The following FGF18 variants were observed in gnomAD, a reference collection of about 807,000 sequenced individuals.
FGF18 encodes fibroblast growth factor 18.
A neutral mutation model predicts 23.0 loss-of-function variants in FGF18; 5 were observed. That is an observed-to-expected ratio of 0.22 (90% CI 0.11 to 0.46). FGF18 has a LOEUF of 0.46. Ranked by LOEUF, FGF18 falls within the 20% of genes least tolerant of loss-of-function variation. FGF18 has a pLI of 0.99. For missense variants in FGF18, 180 were observed against 291.6 expected, an observed-to-expected ratio of 0.62 and a Z score of 2.79; for synonymous variants, 117 against 118.9, an observed-to-expected ratio of 0.98 and a Z score of 0.10.
intron 2 of FGF18, among the ~76,000 whole-genome samples, chr5:171,426,370 C>T (rs1772089411): frequency 6.6e-6 from 1 of 152,204 alleles, no homozygotes; most frequent in Non-Finnish European, 1.5e-5. Context: ...TCTGTATGCT[C>T]CTAGCTTTTG....
At chr5:171,421,063 TC>T (rs1031653312) in intron 2 of FGF18, among the ~76,000 whole-genome samples, 1 of 152,166 alleles carries the variant, frequency 6.6e-6, no homozygotes, top group Non-Finnish European at 1.5e-5. Flanking sequence ...CCTCGTTGGT[TC>T]CCCGCCTGCT....
Position 171,439,571 on chromosome 5 carries a change from G to A in FGF18, c.250+3298G>A, listed in dbSNP as rs1294104314. Among the ~76,000 whole-genome samples, 3 of 152,226 alleles carry A rather than the reference G, an allele frequency of 2.0e-5. No homozygotes were observed. In the East Asian group the frequency reaches 5.8e-4, roughly 29 times the overall value. On this transcript the variant is annotated intron_variant, in intron 3 of 4. Coordinates refer to ENST00000274625, the MANE Select transcript of FGF18 (RefSeq NM_003862.3). ...ACTGGAACAGGAAGCAGGACACTGA[G>A]TTCCAGCTGCAGCTCTGCCAGGGAG... is the stretch of plus-strand genomic sequence containing the variant.
At chr5:171,452,558 A>G (rs1772532371) in intron 4 of FGF18, among the ~76,000 whole-genome samples, 2 of 152,104 alleles carry the variant, frequency 1.3e-5, no homozygotes, top group South Asian at 4.1e-4. Flanking sequence ...TCTGGAACCC[A>G]TGTCACCTGG....
intron 3 of FGF18, among the ~76,000 whole-genome samples, chr5:171,437,356 C>T (rs555342797): frequency 6.6e-6 from 1 of 152,310 alleles, no homozygotes; most frequent in South Asian, 2.1e-4. Context: ...AGGGCCCAAG[C>T]GTGGCAGCTG....
intron 3 of FGF18, among the ~76,000 whole-genome samples, chr5:171,438,900 G>A (rs1205914972): frequency 7.2e-5 from 11 of 152,102 alleles, no homozygotes; most frequent in Admixed American, 7.2e-4. Flanking sequence ...TGTCTCAGGG[G>A]GAGGGGCTGC....
chr5:171,449,038 G>T, intron 3 of FGF18, 109 bp from the exon 4 acceptor site: 1 of 777,550 alleles, frequency 1.3e-6, no homozygotes, highest in East Asian at 2.6e-5. Context: ...CCTGATTTTG[G>T]GGGAGTGAGG....
chr5:171,456,990 T>C lies in FGF18; in HGVS notation c.*185T>C, dbSNP rs1263724277. 3 of 728,782 alleles carry C rather than the reference T, an allele frequency of 4.1e-6. No homozygotes were observed. The highest frequency in any genetic ancestry group is 6.5e-6 in the Non-Finnish European group (3 of 461,062). The allele number at this position is 728,782 out of a possible 1,614,324, so 45.1% of individuals were successfully genotyped here. On this transcript the variant is annotated 3_prime_UTR_variant, in exon 5 of 5. Transcript: ENST00000274625. This position sits in a 1 kb window ranked among gnomAD's most constrained non-coding sequence, Gnocchi z 6.1. ...GGGTGATAAGGATTTTATTGTTGAC[T>C]TGAAACCCCCGATGACAAAAGACTC...
At chr5:171,453,132 C>T (rs887708490) in intron 4 of FGF18, among the ~76,000 whole-genome samples, 17 of 152,112 alleles carry the variant, frequency 1.1e-4, no homozygotes, top group African/African-American at 3.6e-4. Context: ...TCAGAGTTTC[C>T]GGGGGTCGGG....
chr5:171,423,557 G>A (rs1772051906), intron 2 of FGF18, among the ~76,000 whole-genome samples: 1 of 152,014 alleles, frequency 6.6e-6, no homozygotes, highest in African/African-American at 2.4e-5. Flanking sequence ...CAGCCCCTTA[G>A]CCCCTTGTCC....
At chr5:171,438,813 T>C (rs1339941778) in intron 3 of FGF18, among the ~76,000 whole-genome samples, 4 of 151,550 alleles carry the variant, frequency 2.6e-5, no homozygotes, top group African/African-American at 4.9e-5. Context: ...ACAAATATTA[T>C]TGGGAGGGTG....
intron 3 of FGF18, among the ~76,000 whole-genome samples, chr5:171,448,807 G>A (rs780967092): frequency 7.2e-5 from 11 of 152,116 alleles, no homozygotes; most frequent in Non-Finnish European, 1.2e-4. Context: ...GGTGGGTGAC[G>A]ATGGGTAGAA....
intron 3 of FGF18, among the ~76,000 whole-genome samples, chr5:171,447,594 A>G (rs1772437147): frequency 6.6e-6 from 1 of 152,224 alleles, no homozygotes; most frequent in African/African-American, 2.4e-5. Context: ...CCTCTTGGAA[A>G]GGTGGGTATC....
chr5:171,430,794 C>CA (rs566577499), intron 2 of FGF18, among the ~76,000 whole-genome samples: 2,031 of 53,138 alleles, frequency 0.038, 57 homozygotes, highest in Non-Finnish European at 0.054. Flanking sequence ...GACTCCGTCT[C>CA]AAAAAAAAAA....
rs1318525473 is a variant in FGF18 at position 171,456,525 on chromosome 5, T to C, written c.358-14T>C. The stretch of plus-strand genomic sequence containing the variant: ...TCATTTTTTTCTTGAACACTCCCCC[T>C]CTCTCCCCTGCAGCCCGATGGCACC... On this transcript the variant is annotated splice_polypyrimidine_tract_variant and intron_variant, in intron 4 of 4. Coordinates refer to ENST00000274625, the MANE Select transcript of FGF18 (RefSeq NM_003862.3). The surrounding 1 kb of genome is among the most constrained non-coding windows in gnomAD (Gnocchi z 6.1). The C allele has an allele frequency of 1.2e-6, 2 of 1,609,020 alleles. No individual in the cohort carries two copies. Among genetic ancestry groups the C allele is most frequent in the Non-Finnish European group, 1.7e-6 (2 of 1,176,304 alleles).
intron 4 of FGF18, among the ~76,000 whole-genome samples, chr5:171,455,539 G>A (rs567831433): frequency 2.6e-5 from 4 of 152,266 alleles, no homozygotes; most frequent in South Asian, 4.1e-4. Context: ...AGCTTCAGAC[G>A]TGGCTGGATC....
chr5:171,420,318 G>C lies in FGF18; in HGVS notation c.32+87G>C, dbSNP rs377446715. 2,256 of 1,607,392 alleles carry C rather than the reference G, an allele frequency of 1.4e-3. 51 individuals carry two copies. The South Asian group carries it at 0.024, about 17-fold the overall frequency. ...TGTACCTCTGTCTGCCCGCCCGTCG[G>C]TTCACCTGACTCTTCGACTGCGTGT... On this transcript the variant is annotated intron_variant, in intron 1 of 4. Transcript: ENST00000274625.
At chr5:171,450,057 C>T (rs150771415) in intron 4 of FGF18, among the ~76,000 whole-genome samples, 1 of 148,204 alleles carries the variant, frequency 6.7e-6, no homozygotes, top group East Asian at 2.0e-4. Flanking sequence ...GACTGACTCC[C>T]ATATGCAGTT....
At position 171,449,207 on chromosome 5, in the gene FGF18, C is replaced by T; in HGVS notation, c.311C>T (p.Thr104Met). The change falls in exon 4 of 5, where the codon ACG (threonine) becomes ATG (methionine). Residue 104 changes from threonine (T) to methionine (M), a missense_variant. Thr to Met is a moderately conservative substitution (Grantham distance 81). Transcript: ENST00000274625. ...CAAGTCCGGATCAAGGGCAAGGAGA[C>T]GGAATTCTACCTGTGCATGAACCGC... ...GSQVRIKGKE[T>M]EFYLCMNRKG... The T allele has an allele frequency of 3.7e-6, 6 of 1,614,036 alleles. No homozygotes were observed. The highest frequency in any genetic ancestry group is 5.1e-6 in the Non-Finnish European group (6 of 1,179,984).
In FGF18 at chr5:171,456,653, C is replaced by A. The variant is rs747260194; in HGVS notation, c.472C>A (p.Arg158=). The change falls in exon 5 of 5, where the codon CGG becomes AGG. Residue 158 remains arginine, a synonymous_variant. Transcript: ENST00000274625. The surrounding 1 kb of genome is among the most constrained non-coding windows in gnomAD (Gnocchi z 6.1). The part of the protein sequence containing the change: ...GWYVGFTKKG[R]PRKGPKTREN... The stretch of plus-strand genomic sequence containing the variant: ...GTACGTGGGCTTCACCAAGAAGGGG[C>A]GGCCGCGGAAGGGCCCCAAGACCCG... The A allele has an allele frequency of 1.7e-5, 27 of 1,613,908 alleles. No homozygotes were observed. The highest frequency in any genetic ancestry group is 2.2e-5 in the Non-Finnish European group (26 of 1,180,006).
Sources: gnomAD v4.1 joint callset for allele counts (sites outside exome capture counted in the v4.1 genomes callset) on GRCh38, gnomAD v4.1.1 for gene constraint, Gnocchi (gnomAD v3.1) non-coding constraint, MANE v1.5 for transcripts, NCBI Gene and HGNC (gene_info 2026-07-23, HGNC 2026-07-21) for gene names.